The following HIVEP1 variants were observed in gnomAD, a reference collection of about 807,000 sequenced individuals.
The protein encoded by HIVEP1 is zinc finger protein 40.
Under a neutral mutation model 180.0 loss-of-function variants are expected in HIVEP1, and 36 were observed. That is an observed-to-expected ratio of 0.20 (90% CI 0.15 to 0.26). The LOEUF is 0.26. Among genes scored for constraint, HIVEP1 ranks in the 10% least tolerant of loss-of-function variants. The pLI, the probability that HIVEP1 is intolerant of heterozygous loss-of-function variation, is 1.00. For synonymous variants in HIVEP1, 1,239 were observed against 1,239.0 expected, an observed-to-expected ratio of 1.00 and a Z score of 0.00; for missense variants, 3,143 against 3,268.7, an observed-to-expected ratio of 0.96 and a Z score of 0.94.
chr6:12,185,399 T>C, the HIVEP1 span, among the ~76,000 whole-genome samples: 41 of 152,306 alleles, frequency 2.7e-4, no homozygotes, highest in East Asian at 5.0e-3. Flanking sequence ...TTTTGAGTCA[T>C]TGGCATGCAC....
intron 7 of HIVEP1, among the ~76,000 whole-genome samples, chr6:12,155,659 T>C (rs576379013): frequency 2.0e-5 from 3 of 152,240 alleles, no homozygotes; most frequent in Admixed American, 1.3e-4. Context: ...CAGTCTATCA[T>C]TGATGGGCAT....
the HIVEP1 span, among the ~76,000 whole-genome samples, chr6:12,180,142 CTA>C: frequency 1.3e-5 from 2 of 152,090 alleles, no homozygotes; most frequent in African/African-American, 4.8e-5. Context: ...TCTATTAATA[CTA>C]TGAGGTTGGC....
At chr6:12,168,042 C>CAT (rs1160434920), downstream of HIVEP1, among the ~76,000 whole-genome samples, 3 of 30,138 alleles carry the variant, frequency 1.0e-4, no homozygotes, top group African/African-American at 1.8e-4. Context: ...ATTATATATA[C>CAT]ATATACATAT....
At chr6:12,160,645 G>T (rs1760338778) in intron 7 of HIVEP1, among the ~76,000 whole-genome samples, 1 of 152,182 alleles carries the variant, frequency 6.6e-6, no homozygotes, top group Admixed American at 6.5e-5. Flanking sequence ...GGCAGGGGAG[G>T]GGGGCCGGTG....
intron 2 of HIVEP1, among the ~76,000 whole-genome samples, chr6:12,079,170 T>TG (rs1772600178): frequency 2.0e-5 from 3 of 152,256 alleles, no homozygotes; most frequent in South Asian, 2.1e-4. Context: ...GGCAACATAT[T>TG]TTGTTGTGAT....
At chr6:12,028,320 A>G (rs1489033871) in intron 2 of HIVEP1, among the ~76,000 whole-genome samples, 2 of 152,218 alleles carry the variant, frequency 1.3e-5, no homozygotes, top group South Asian at 4.1e-4. Context: ...GTCTTCCAGG[A>G]AATTTATAGT....
chr6:12,169,977 C>T (rs542968887), downstream of HIVEP1, among the ~76,000 whole-genome samples: 44 of 151,874 alleles, frequency 2.9e-4, no homozygotes, highest in Non-Finnish European at 3.8e-4. Flanking sequence ...AAAAAGTAGC[C>T]GGGGGTGGTG....
intron 4 of HIVEP1, 126 bp from the exon 5 acceptor site, chr6:12,129,627 CCTATTA>C: frequency 1.3e-6 from 1 of 745,798 alleles, no homozygotes; most frequent in South Asian, 1.5e-5. Flanking sequence ...GCCCTTTGAA[CCTATTA>C]CTACTTTGAA....
Position 12,164,500 on chromosome 6 carries a change from C to A in HIVEP1, c.*39C>A. 1 of 1,461,154 alleles carries A rather than the reference C, an allele frequency of 6.8e-7. No individual in the cohort carries two copies. Among genetic ancestry groups the A allele is most frequent in the South Asian group, 1.3e-5 (1 of 74,892 alleles). The allele number at this position is 1,461,154 out of a possible 1,614,324, so 90.5% of individuals were successfully genotyped here. ...TTATTTGCTTTTTTTTTATATAACA[C>A]TTAAAGGTTTCTTTGAAAACCCTCC... is the stretch of plus-strand genomic sequence containing the variant. On this transcript the variant is annotated 3_prime_UTR_variant, in exon 9 of 9. Coordinates refer to ENST00000379388, the MANE Select transcript of HIVEP1 (RefSeq NM_002114.4).
the HIVEP1 span, among the ~76,000 whole-genome samples, chr6:12,204,252 T>G: frequency 6.6e-6 from 1 of 152,082 alleles, no homozygotes; most frequent in East Asian, 1.9e-4. Context: ...ATAGGACACT[T>G]CCCAGCTACC....
At chr6:12,060,687 A>G (rs1215226796) in intron 2 of HIVEP1, among the ~76,000 whole-genome samples, 1 of 152,210 alleles carries the variant, frequency 6.6e-6, no homozygotes, top group Non-Finnish European at 1.5e-5. Context: ...TCAGTAAATG[A>G]AACTCAGCAA....
In HIVEP1 at chr6:12,164,416, C is replaced by T. The variant is rs766096175; in HGVS notation, c.8112C>T (p.Asp2704=). 44 of 1,613,664 alleles carry T rather than the reference C, an allele frequency of 2.7e-5. No individual in the cohort carries two copies. The highest frequency in any genetic ancestry group is 1.6e-4 in the Middle Eastern group (1 of 6,084). The part of the protein sequence containing the change: ...PRRQPTVHFS[D]VSSDDDEDRL... Reference sequence around the variant, plus strand: ...GGCAGCCCACTGTGCACTTCAGCGACGTGAGCAGCGATGATGACGAGGACA... The same window carrying T: ...GGCAGCCCACTGTGCACTTCAGCGATGTGAGCAGCGATGATGACGAGGACA... Residue 2704 remains aspartate (D), a synonymous_variant, in exon 9 of 9, where the codon GAC becomes GAT. Coordinates refer to ENST00000379388, the MANE Select transcript of HIVEP1 (RefSeq NM_002114.4).
Position 12,164,854 on chromosome 6 carries a change from A to G in HIVEP1, c.*393A>G. On this transcript the variant is annotated 3_prime_UTR_variant, in exon 9 of 9. Coordinates refer to ENST00000379388, the MANE Select transcript of HIVEP1 (RefSeq NM_002114.4). ...CTATGGGGCAGAGTTTCTGTGTATA[A>G]ATTAGTATGTAAACTCCATATTTAT... is the stretch of plus-strand genomic sequence containing the variant. 1 of 187,336 alleles carries G rather than the reference A, an allele frequency of 5.3e-6. No homozygotes were observed. 11.6% of individuals were successfully genotyped at this position (187,336 alleles called of 1,614,324 possible). A position where few individuals can be genotyped will look rare whatever the true frequency, so the allele number is the denominator to read the frequency against.
rs765237015 is a variant in HIVEP1 at position 12,124,679 on chromosome 6, G to A, written c.4884G>A (p.Gln1628=). 1 of 1,614,180 alleles carries A rather than the reference G, an allele frequency of 6.2e-7. No homozygotes were observed. The highest frequency in any genetic ancestry group is 1.1e-5 in the South Asian group (1 of 91,080). ...TCAGGCCCCTTGGAAGTCAGGTGCA[G>A]AAGGTGCCATCATCATTCATGCTGC... The part of the protein sequence containing the change: ...PELRPLGSQV[Q]KVPSSFMLPI... Residue 1628 remains glutamine, a synonymous_variant, in exon 4 of 9, where the codon CAG becomes CAA. Transcript: ENST00000379388.
At chr6:12,084,259 G>C (rs1044379525) in intron 2 of HIVEP1, among the ~76,000 whole-genome samples, 3 of 152,098 alleles carry the variant, frequency 2.0e-5, no homozygotes, top group Non-Finnish European at 4.4e-5. Context: ...GCACAGAGTT[G>C]AGTCTTTGAT....
the HIVEP1 span, among the ~76,000 whole-genome samples, chr6:12,196,801 C>T: frequency 3.9e-5 from 6 of 152,132 alleles, no homozygotes; most frequent in African/African-American, 1.2e-4. Flanking sequence ...TCAAGCTGCC[C>T]GGCATGTCAC....
intron 2 of HIVEP1, among the ~76,000 whole-genome samples, chr6:12,035,498 T>C (rs185183252): frequency 6.6e-6 from 1 of 152,376 alleles, no homozygotes; most frequent in Admixed American, 6.5e-5. Flanking sequence ...TTACACATAG[T>C]ACATTTTGCT....
chr6:12,058,491 AAT>A (rs1429253277), intron 2 of HIVEP1, among the ~76,000 whole-genome samples: 1 of 152,204 alleles, frequency 6.6e-6, no homozygotes, highest in Non-Finnish European at 1.5e-5. Flanking sequence ...ATTGATTCAA[AAT>A]ATGTTTGTTG....
At chr6:12,180,183 T>C in the HIVEP1 span, among the ~76,000 whole-genome samples, 33 of 152,352 alleles carry the variant, frequency 2.2e-4, no homozygotes, top group African/African-American at 7.2e-4. Context: ...AAACTGAGGC[T>C]GAGAATGGAT....
Sources: allele counts gnomAD v4.1 joint callset (sites outside exome capture counted in the v4.1 genomes callset), GRCh38; gene constraint gnomAD v4.1.1; transcripts MANE v1.5; gene names NCBI Gene and HGNC (gene_info 2026-07-23, HGNC 2026-07-21).